Variants in ANKRD12 observed in about 807,000 individuals in gnomAD.
The protein encoded by ANKRD12 is ankyrin repeat domain-containing protein 12.
ANKRD12 carries 85 observed loss-of-function variants against 183.4 expected under a neutral mutation model. The observed-to-expected ratio is 0.46, with a 90% CI of 0.39 to 0.56. ANKRD12 has a LOEUF of 0.56. Among genes scored for constraint, ANKRD12 ranks in the 20% least tolerant of loss-of-function variants. ANKRD12 has a pLI of 0.00. For synonymous variants in ANKRD12, 914 were observed against 800.2 expected (o/e 1.14, Z -2.40); for missense variants, 2,405 against 2,357.1 (o/e 1.02, Z -0.42).
chr18:9,247,258 C>T (rs891831944), intron 8 of ANKRD12, among the ~76,000 whole-genome samples: 1 of 151,186 alleles, frequency 6.6e-6, no homozygotes. Flanking sequence ...GCAGGAGGAT[C>T]GCTTGAGGCC....
intron 1 of ANKRD12, among the ~76,000 whole-genome samples, chr18:9,139,520 AC>A (rs1160304295): frequency 1.3e-5 from 2 of 152,204 alleles, no homozygotes; most frequent in African/African-American, 4.8e-5. Context: ...AACCATTCTT[AC>A]GTTTTAGGAG....
At chr18:9,260,004 TAAG>T (rs1281461093) in intron 9 of ANKRD12, 1 of 152,200 alleles carries the variant, frequency 6.6e-6, no homozygotes, top group Non-Finnish European at 1.5e-5. Context: ...AAGCTAATAA[TAAG>T]AACTCCAGAC....
intron 1 of ANKRD12, among the ~76,000 whole-genome samples, chr18:9,176,947 TC>T (rs2033319524): frequency 6.6e-6 from 1 of 152,190 alleles, no homozygotes; most frequent in Non-Finnish European, 1.5e-5. Flanking sequence ...AGAATGTTAA[TC>T]CTGGAAGTCA....
intron 8 of ANKRD12, among the ~76,000 whole-genome samples, chr18:9,227,531 A>ACC (rs2036792050): frequency 6.6e-6 from 1 of 152,222 alleles, no homozygotes; most frequent in African/African-American, 2.4e-5. Context: ...ATAAGATCTT[A>ACC]CCGAAAGGTG....
At chr18:9,261,837 T>C (rs1411392587) in intron 9 of ANKRD12, among the ~76,000 whole-genome samples, 1 of 152,154 alleles carries the variant, frequency 6.6e-6, no homozygotes, top group Non-Finnish European at 1.5e-5. Flanking sequence ...GTATTTGCCC[T>C]CTTGAGGAAG....
chr18:9,254,157 T>C, intron 8 of ANKRD12, 54 bp from the exon 9 acceptor site: 3 of 1,442,476 alleles, frequency 2.1e-6, no homozygotes, highest in Non-Finnish European at 2.7e-6. Context: ...AAATTATTTT[T>C]CTGGCAGTTG....
intron 7 of ANKRD12, among the ~76,000 whole-genome samples, chr18:9,218,656 TTC>T (rs1030439010): frequency 4.1e-4 from 60 of 145,194 alleles, no homozygotes; most frequent in African/African-American, 1.3e-3. Context: ...CCTAAAACAC[TTC>T]TTTTTTCTTT....
intron 2 of ANKRD12, among the ~76,000 whole-genome samples, chr18:9,187,184 G>C (rs1285011320): frequency 6.6e-6 from 1 of 152,024 alleles, no homozygotes; most frequent in African/African-American, 2.4e-5. Context: ...GTGTGCTTTG[G>C]GGAGACCAAG....
In ANKRD12 at chr18:9,182,424, A is replaced by T; in HGVS notation, c.-9A>T. Reference sequence around the variant, plus strand: ...TGATAAAAGAAGAAGCTAGCTGAACAGCTGTAAAATGCCCAAATCTGGGTT... The same window carrying T: ...TGATAAAAGAAGAAGCTAGCTGAACTGCTGTAAAATGCCCAAATCTGGGTT... On this transcript the variant is annotated 5_prime_UTR_variant, in exon 2 of 13. Coordinates refer to ENST00000262126, the MANE Select transcript of ANKRD12 (RefSeq NM_015208.5). The T allele has an allele frequency of 6.3e-7, 1 of 1,598,306 alleles. No homozygotes were observed. Among genetic ancestry groups the T allele is most frequent in the Non-Finnish European group, 8.6e-7 (1 of 1,169,362 alleles).
chr18:9,152,941 T>G (rs752363441), intron 1 of ANKRD12, among the ~76,000 whole-genome samples: 1 of 151,934 alleles, frequency 6.6e-6, no homozygotes, highest in Non-Finnish European at 1.5e-5. Flanking sequence ...AATAGACTTA[T>G]TAGATTATAA....
intron 2 of ANKRD12, among the ~76,000 whole-genome samples, chr18:9,189,422 A>G (rs976685051): frequency 6.6e-6 from 1 of 152,256 alleles, no homozygotes; most frequent in Non-Finnish European, 1.5e-5. Context: ...AGATCTAGCT[A>G]TGATCTTTGA....
At position 9,285,028 on chromosome 18, in the gene ANKRD12, A is replaced by T. The variant is rs1160974462; in HGVS notation, c.*3902A>T. ...GAGACCATCCTGGCTAACACGGTGAAACCCCGTCTCTACTAAACAAAATGC... is the reference window on the plus strand; with the variant it reads ...GAGACCATCCTGGCTAACACGGTGATACCCCGTCTCTACTAAACAAAATGC... On this transcript the variant is annotated 3_prime_UTR_variant, in exon 13 of 13. Coordinates refer to ENST00000262126, the MANE Select transcript of ANKRD12 (RefSeq NM_015208.5). 7 of 151,572 alleles carry T rather than the reference A, an allele frequency of 4.6e-5. No homozygotes were observed. Among genetic ancestry groups the T allele is most frequent in the Non-Finnish European group, 1.0e-4 (7 of 67,684 alleles). 9.4% of individuals were successfully genotyped at this position (151,572 alleles called of 1,614,324 possible). A position where few individuals can be genotyped will look rare whatever the true frequency, so the allele number is the denominator to read the frequency against.
At chr18:9,222,398 T>C (rs1339334519) in intron 8 of ANKRD12, among the ~76,000 whole-genome samples, 1 of 152,148 alleles carries the variant, frequency 6.6e-6, no homozygotes, top group Non-Finnish European at 1.5e-5. Flanking sequence ...ACGAGTCATC[T>C]CTGTGATTTT....
chr18:9,249,603 CACA>C (rs1192647268), intron 8 of ANKRD12: 2 of 152,156 alleles, frequency 1.3e-5, no homozygotes, highest in African/African-American at 2.4e-5. Flanking sequence ...TCTTCCTTCC[CACA>C]ACAGATTACT....
At chr18:9,245,142 A>G (rs928877395) in intron 8 of ANKRD12, among the ~76,000 whole-genome samples, 1 of 152,174 alleles carries the variant, frequency 6.6e-6, no homozygotes, top group Non-Finnish European at 1.5e-5. Flanking sequence ...TTTCTTAGTA[A>G]TAATTCTACC....
intron 1 of ANKRD12, among the ~76,000 whole-genome samples, chr18:9,160,679 C>A (rs1022618357): frequency 6.6e-6 from 1 of 151,818 alleles, no homozygotes; most frequent in African/African-American, 2.4e-5. Context: ...AAAAAGTATT[C>A]TTCTTGCTTC....
rs759573828 is a variant in ANKRD12 at position 9,255,706 on chromosome 18, G to T, written c.2439G>T (p.Lys813Asn). The change falls in exon 9 of 13, where the codon AAG becomes AAT. Residue 813 changes from lysine to asparagine, a missense_variant. This residue lies in a region of ANKRD12 where 1,983 missense variants were observed against 1,725.9 expected (regional missense o/e 1.15). Coordinates refer to ENST00000262126, the MANE Select transcript of ANKRD12 (RefSeq NM_015208.5). ...AAATAGACATTGAAAAACAAGAAAA[G>T]CATATAAAGGAAAGTAAAGAAAAAC... ...EKEIDIEKQE[K>N]HIKESKEKPE... 6.3e-7 allele frequency: 1 copy of T among 1,597,256 alleles called. No homozygotes were observed. Among genetic ancestry groups the T allele is most frequent in the South Asian group, 1.2e-5 (1 of 86,492 alleles).
rs1412679640 is a variant in ANKRD12, at chr18:9,281,250, G to A, written c.*124G>A. ...TTGTTAGTAAAGTTCGATTATAGTT[G>A]GTTATGTAGTAAACACTGTCATTTT... On this transcript the variant is annotated 3_prime_UTR_variant, in exon 13 of 13. Transcript: ENST00000262126. 2.7e-6 allele frequency: 2 copies of A among 751,128 alleles called. No individual in the cohort carries two copies. The highest frequency in any genetic ancestry group is 4.2e-6 in the Non-Finnish European group (2 of 472,504). The allele number at this position is 751,128 out of a possible 1,614,324, so 46.5% of individuals were successfully genotyped here. A position where few individuals can be genotyped will look rare whatever the true frequency, so the allele number is the denominator to read the frequency against.
At chr18:9,253,615 G>C (rs904959525) in intron 8 of ANKRD12, among the ~76,000 whole-genome samples, 3 of 152,132 alleles carry the variant, frequency 2.0e-5, no homozygotes, top group African/African-American at 7.2e-5. Context: ...CCATATCTTG[G>C]CTATTGTGAA....
Sources: allele counts gnomAD v4.1 joint callset (sites outside exome capture counted in the v4.1 genomes callset), GRCh38; gene constraint gnomAD v4.1.1; regional missense constraint gnomAD v4.1.1; transcripts MANE v1.5; gene names NCBI Gene and HGNC (gene_info 2026-07-23, HGNC 2026-07-21).